ADAMTSL1: variants seen among roughly 807,000 people sequenced by gnomAD.
The protein encoded by ADAMTSL1 is ADAMTS-like protein 1.
In ADAMTSL1, 126 loss-of-function variants were observed where a neutral mutation model predicts 201.8. That is an observed-to-expected ratio of 0.62 (90% CI 0.54 to 0.72). The LOEUF (loss-of-function observed/expected upper bound fraction) is 0.72. Ranked by LOEUF, ADAMTSL1 falls within the 30% of genes least tolerant of loss-of-function variation. The pLI is 0.00. For missense variants in ADAMTSL1, 2,679 were observed against 2,277.8 expected, an observed-to-expected ratio of 1.18 and a Z score of -3.59; for synonymous variants, 1,121 against 903.4, an observed-to-expected ratio of 1.24 and a Z score of -4.32.
At chr9:18,475,551 C>A (rs527268088) in intron 1 of ADAMTSL1, among the ~76,000 whole-genome samples, 30 of 152,196 alleles carry the variant, frequency 2.0e-4, no homozygotes, top group African/African-American at 7.0e-4. Flanking sequence ...TTTAATTTTT[C>A]ATAGAAATTT....
At chr9:18,332,269 A>G (rs1051356942) in intron 2 of ADAMTSL1, among the ~76,000 whole-genome samples, 1 of 152,160 alleles carries the variant, frequency 6.6e-6, no homozygotes, top group African/African-American at 2.4e-5. Flanking sequence ...TTTGAGAAAA[A>G]CTGAGAGTCC....
chr9:18,174,429 G>A (rs1220382973), intron 2 of ADAMTSL1, among the ~76,000 whole-genome samples: 1 of 152,186 alleles, frequency 6.6e-6, no homozygotes, highest in Non-Finnish European at 1.5e-5. Flanking sequence ...GAGGGGTGCT[G>A]AGTAGAACTG....
rs73418833 is a variant in ADAMTSL1, at chr9:17,998,447, G to A, written c.87+91525G>A. Among the ~76,000 whole-genome samples the A allele has an allele frequency of 2.6e-3, 393 of 152,070 alleles. 1 individual carries two copies. Among genetic ancestry groups the A allele is most frequent in the African/African-American group, 8.8e-3 (364 of 41,502 alleles). ...GTTAAGTAATGCTAGGCTGCTGGTC[G>A]ATGATACCAAGCAAAGTGAAGAAAT... On this transcript the variant is annotated intron_variant, in intron 1 of 29. Transcript: ENST00000680146.
intron 1 of ADAMTSL1, among the ~76,000 whole-genome samples, chr9:17,935,974 C>G (rs2811818): frequency 0.84 from 127,864 of 152,194 alleles, 54,030 homozygotes; most frequent in East Asian, 0.94. Flanking sequence ...CTCTCACCTA[C>G]CAGTTTCTCC....
chr9:18,588,914 C>CATAT (rs1564072253), intron 4 of ADAMTSL1, among the ~76,000 whole-genome samples: 25 of 71,906 alleles, frequency 3.5e-4, no homozygotes, highest in Non-Finnish European at 5.5e-4. Context: ...CATATATATA[C>CATAT]ACATTTTTTT....
At chr9:17,925,761 C>T (rs1403026979) in intron 1 of ADAMTSL1, among the ~76,000 whole-genome samples, 4 of 146,216 alleles carry the variant, frequency 2.7e-5, no homozygotes, top group East Asian at 2.1e-4. Context: ...TGCTAGATGA[C>T]GAGTTAGTGG....
rs980301879 is a variant in ADAMTSL1 at position 18,237,964 on chromosome 9, C to G, written c.207+73983C>G. On this transcript the variant is annotated intron_variant, in intron 2 of 29. Transcript: ENST00000680146. The stretch of plus-strand genomic sequence containing the variant: ...ACACTAGGGCATATGGCAGAGGAGG[C>G]AGAATGCCATTGCTCACACTGCTTT... 2.6e-5 allele frequency among the ~76,000 whole-genome samples: 4 copies of G among 152,230 alleles called. No individual in the cohort carries two copies. The East Asian group carries it at 7.7e-4, about 29-fold the overall frequency.
chr9:17,983,429 T>C (rs1428410296), intron 1 of ADAMTSL1, among the ~76,000 whole-genome samples: 1 of 152,182 alleles, frequency 6.6e-6, no homozygotes, highest in Non-Finnish European at 1.5e-5. Flanking sequence ...TGAGAACCTC[T>C]TCCTTATTGG....
chr9:17,937,102 T>C (rs931289559), intron 1 of ADAMTSL1, among the ~76,000 whole-genome samples: 1 of 152,162 alleles, frequency 6.6e-6, no homozygotes, highest in Non-Finnish European at 1.5e-5. Flanking sequence ...GCCTCATCCA[T>C]GGTTGCTGCA....
intron 1 of ADAMTSL1, among the ~76,000 whole-genome samples, chr9:17,958,267 T>C (rs909506928): frequency 1.3e-5 from 2 of 152,132 alleles, no homozygotes; most frequent in Non-Finnish European, 2.9e-5. Flanking sequence ...TATTTCACAA[T>C]ACAGAAAAAC....
At chr9:18,178,269 G>A (rs1181301543) in intron 2 of ADAMTSL1, among the ~76,000 whole-genome samples, 5 of 151,890 alleles carry the variant, frequency 3.3e-5, no homozygotes, top group South Asian at 4.1e-4. Context: ...GGTGACAGAC[G>A]GCACCTGGAA....
intron 23 of ADAMTSL1, among the ~76,000 whole-genome samples, chr9:18,879,795 C>T (rs542812118): frequency 8.5e-5 from 13 of 152,260 alleles, no homozygotes; most frequent in African/African-American, 2.2e-4. Flanking sequence ...TTTGCTGCAT[C>T]GATTGATTCA....
intron 2 of ADAMTSL1, among the ~76,000 whole-genome samples, chr9:18,282,048 T>G (rs1367182509): frequency 2.0e-5 from 3 of 152,214 alleles, no homozygotes. Context: ...GGGCTTCTAG[T>G]GTACCCATTA....
At chr9:18,324,577 C>T (rs537678847) in intron 2 of ADAMTSL1, among the ~76,000 whole-genome samples, 16 of 151,986 alleles carry the variant, frequency 1.1e-4, no homozygotes, top group African/African-American at 3.4e-4. Flanking sequence ...CCAGCCTGAC[C>T]AACACGGTGA....
Position 18,309,052 on chromosome 9 carries a change from A to G in ADAMTSL1, c.207+145071A>G, listed in dbSNP as rs144761989. On this transcript the variant is annotated intron_variant, in intron 2 of 29. Transcript: ENST00000680146. ...CCACATATGCAAATCAATAAATGTAATCCATCACATAAACAAAACCAATGA... is the reference window on the plus strand; with the variant it reads ...CCACATATGCAAATCAATAAATGTAGTCCATCACATAAACAAAACCAATGA... Among the ~76,000 whole-genome samples the G allele has an allele frequency of 8.7e-3, 1,322 of 152,312 alleles. 23 individuals are homozygous for G. Among genetic ancestry groups the G allele is most frequent in the African/African-American group, 0.031 (1,271 of 41,562 alleles).
chr9:18,533,221 AT>A, intron 2 of ADAMTSL1, 25 bp from the exon 3 acceptor site: 6 of 1,596,206 alleles, frequency 3.8e-6, no homozygotes, highest in Non-Finnish European at 5.1e-6. Context: ...AAGTAGTAAT[AT>A]TTCTTTTTTC....
chr9:18,227,029 T>G (rs934422167), intron 2 of ADAMTSL1, among the ~76,000 whole-genome samples: 2 of 152,150 alleles, frequency 1.3e-5, no homozygotes, highest in African/African-American at 2.4e-5. Context: ...TTCTCACTGT[T>G]CCTTATACAT....
intron 15 of ADAMTSL1, among the ~76,000 whole-genome samples, chr9:18,736,192 A>C (rs1276559897): frequency 6.6e-6 from 1 of 152,190 alleles, no homozygotes; most frequent in Non-Finnish European, 1.5e-5. Flanking sequence ...TTGGAGCCAG[A>C]TCTCCCTCAC....
intron 1 of ADAMTSL1, among the ~76,000 whole-genome samples, chr9:17,990,025 T>C (rs944783879): frequency 6.6e-6 from 1 of 151,784 alleles, no homozygotes; most frequent in Admixed American, 6.6e-5. Context: ...AAAACAAACA[T>C]TGAAGACATA....
Sources: allele counts gnomAD v4.1 joint callset (sites outside exome capture counted in the v4.1 genomes callset), GRCh38; gene constraint gnomAD v4.1.1; transcripts MANE v1.5; gene names NCBI Gene and HGNC (gene_info 2026-07-23, HGNC 2026-07-21).